ASXL2: variants seen among roughly 807,000 people sequenced by gnomAD.
ASXL2 encodes the protein ASXL transcriptional regulator 2.
ASXL2 carries 23 observed loss-of-function variants against 122.0 expected under a neutral mutation model. That is an observed-to-expected ratio of 0.19 (90% confidence interval 0.14 to 0.27). The LOEUF (loss-of-function observed/expected upper bound fraction) is 0.27, where lower values mean the gene tolerates loss of function less well. Among genes scored for constraint, ASXL2 ranks in the 10% least tolerant of loss-of-function variants. The pLI, the probability that ASXL2 is intolerant of heterozygous loss-of-function variation, is 1.00. For synonymous variants in ASXL2, 650 were observed against 637.0 expected (o/e 1.02, Z -0.31); for missense variants, 1,518 against 1,713.8 (o/e 0.89, Z 2.02).
At chr2:25,804,458 G>C (rs1163444750) in intron 4 of ASXL2, among the ~76,000 whole-genome samples, 4 of 152,346 alleles carry the variant, frequency 2.6e-5, no homozygotes, top group Admixed American at 2.6e-4. Flanking sequence ...TAAAGTCAGA[G>C]GCTCCTGCTT....
intron 1 of ASXL2, among the ~76,000 whole-genome samples, chr2:25,858,387 T>C (rs1386874533): frequency 6.6e-6 from 1 of 151,544 alleles, no homozygotes; most frequent in Non-Finnish European, 1.5e-5. Context: ...ATAGCAGCCA[T>C]GTCCTCCTCA....
In ASXL2 at chr2:25,878,034, C is replaced by T; in HGVS notation, c.57+132G>A. On this transcript the variant is annotated intron_variant, in intron 1 of 12. Coordinates refer to ENST00000435504, the MANE Select transcript of ASXL2 (RefSeq NM_018263.6). ...CAGGGATCGCAACCCCGACACTAACCGCCGCCCTCTCCGCGCGGTTTTGTG... is the reference window on the plus strand; with the variant it reads ...CAGGGATCGCAACCCCGACACTAACTGCCGCCCTCTCCGCGCGGTTTTGTG... The T allele has an allele frequency of 3.5e-6, 4 of 1,150,550 alleles. No homozygotes were observed. In the South Asian group the frequency reaches 3.7e-5, roughly 11 times the overall value. 71.3% of individuals were successfully genotyped at this position (1,150,550 alleles called of 1,614,324 possible). A position where few individuals can be genotyped will look rare whatever the true frequency, so the allele number is the denominator to read the frequency against.
rs1028204836 is a variant in ASXL2 at position 25,759,504 on chromosome 2, A to C, written c.917T>G (p.Leu306Arg). The C allele has an allele frequency of 6.2e-7, 1 of 1,613,984 alleles. No homozygotes were observed. The highest frequency in any genetic ancestry group is 8.5e-7 in the Non-Finnish European group (1 of 1,179,860). Residue 306 changes from leucine (L) to arginine (R), a missense_variant, in exon 9 of 13, where the codon CTA (leucine) becomes CGA (arginine). By Grantham distance (102) the Leu-to-Arg change is moderately radical. Transcript: ENST00000435504. Reference sequence around the variant, plus strand: ...CACCTGTCGATCTACCTCTGGGAGTAGTAAAAGCAGTCGTTGCTGGCAATC... The same window carrying C: ...CACCTGTCGATCTACCTCTGGGAGTCGTAAAAGCAGTCGTTGCTGGCAATC... The part of the protein sequence containing the change: ...PGDCQQRLLL[L>R]LPEVDRQVGP...
chr2:25,853,600 G>A (rs372565641), intron 1 of ASXL2, among the ~76,000 whole-genome samples: 3 of 152,208 alleles, frequency 2.0e-5, no homozygotes, highest in Admixed American at 6.5e-5. Context: ...TAGCAGCACC[G>A]TATACATCCC....
chr2:25,878,002 A>G (rs1352907299), intron 1 of ASXL2, among the ~76,000 whole-genome samples, 164 bp downstream of exon 1: 1 of 152,086 alleles, frequency 6.6e-6, no homozygotes, highest in Non-Finnish European at 1.5e-5. Context: ...GGGCGCCTCC[A>G]TTCCCACAGG....
intron 3 of ASXL2, among the ~76,000 whole-genome samples, chr2:25,823,501 A>G (rs2089336839): frequency 6.6e-6 from 1 of 152,174 alleles, no homozygotes; most frequent in South Asian, 2.1e-4. Flanking sequence ...CAGTATTCAC[A>G]TGTATCTTAG....
chr2:25,768,783 T>A lies in ASXL2; in HGVS notation c.590A>T (p.Lys197Met). The change falls in exon 7 of 13, where the codon AAG (lysine) becomes ATG (methionine). Residue 197 changes from lysine (K) to methionine (M), a missense_variant. Coordinates refer to ENST00000435504, the MANE Select transcript of ASXL2 (RefSeq NM_018263.6). ...AGAGTCACTGGCTGCTTTGACAGTC[T>A]TTAGTGAGAGATGCTGGTTGGAGGA... ...SISSNQHLSL[K>M]TVKAASDSVP... The A allele has an allele frequency of 6.2e-7, 1 of 1,613,880 alleles. No homozygotes were observed. Among genetic ancestry groups the A allele is most frequent in the Non-Finnish European group, 8.5e-7 (1 of 1,179,816 alleles).
intron 3 of ASXL2, among the ~76,000 whole-genome samples, chr2:25,831,511 A>G (rs1282640773): frequency 1.3e-5 from 2 of 151,630 alleles, no homozygotes; most frequent in Non-Finnish European, 2.9e-5. Flanking sequence ...AAAATTAGAT[A>G]GGCATGGTGG....
chr2:25,765,989 T>C (rs967260169), intron 8 of ASXL2, among the ~76,000 whole-genome samples: 2 of 152,146 alleles, frequency 1.3e-5, no homozygotes, highest in Non-Finnish European at 2.9e-5. Context: ...TAAGGTTTTT[T>C]TATTTTTTAT....
At chr2:25,810,253 C>G (rs1321872408) in intron 3 of ASXL2, 16 of 623,848 alleles carry the variant, frequency 2.6e-5, no homozygotes, top group Non-Finnish European at 4.9e-5. Flanking sequence ...AGTTCCAAGT[C>G]TCTTTCAATG....
chr2:25,811,263 T>A (rs964746656), intron 3 of ASXL2, among the ~76,000 whole-genome samples: 8 of 150,828 alleles, frequency 5.3e-5, no homozygotes, highest in African/African-American at 1.5e-4. Context: ...AAAAAATAAA[T>A]AAATAAATAA....
chr2:25,864,241 G>A (rs1031387715), intron 1 of ASXL2, among the ~76,000 whole-genome samples: 3 of 152,196 alleles, frequency 2.0e-5, no homozygotes, highest in Non-Finnish European at 2.9e-5. Flanking sequence ...AATGCCAGGC[G>A]ATACGCCTTC....
chr2:25,826,813 C>T (rs1037785428), intron 3 of ASXL2, among the ~76,000 whole-genome samples: 17 of 130,438 alleles, frequency 1.3e-4, no homozygotes, highest in African/African-American at 4.7e-4. Context: ...TGCTTAAATG[C>T]CCTCACTTCA....
chr2:25,806,393 A>T (rs2089082944), intron 3 of ASXL2, 56 bp from the exon 4 acceptor site: 1 of 1,197,412 alleles, frequency 8.4e-7, no homozygotes, highest in African/African-American at 1.5e-5. Context: ...TCTGTCTCTG[A>T]ATATCCTATG....
rs753934368 is a variant in ASXL2, at chr2:25,842,792, G to GTA, written c.140+2687_140+2688dup. ...CACGTGTGTGTGTGTGTGTGTGTGTGTATATATATATATATATATGTTTTT... is the reference window on the plus strand; with the variant it reads ...CACGTGTGTGTGTGTGTGTGTGTGTGTATATATATATATATATATATGTTTTT... On this transcript the variant is annotated intron_variant, in intron 2 of 12. Transcript: ENST00000435504. Among the ~76,000 whole-genome samples the GTA allele has an allele frequency of 6.4e-4, 61 of 95,404 alleles. 1 individual carries two copies. Among genetic ancestry groups the GTA allele is most frequent in the Non-Finnish European group, 4.0e-4 (19 of 47,070 alleles). 62.6% of individuals were successfully genotyped at this position (95,404 alleles called of 152,430 possible).
intron 1 of ASXL2, among the ~76,000 whole-genome samples, chr2:25,849,045 CA>C (rs1337241291): frequency 0.15 from 5,377 of 36,008 alleles, 416 homozygotes; most frequent in African/African-American, 0.31. Flanking sequence ...AACTCCGTCT[CA>C]AAAAAAAAAA....
In ASXL2 at chr2:25,743,329, G is replaced by A; in HGVS notation, c.3008C>T (p.Thr1003Ile). The part of the protein sequence containing the change: ...LIATNTTENS[T>I]REEVNERQSH... ...CTGTCTCTCATTAACTTCCTCTCTG[G>A]TGCTATTTTCTGTTGTGTTGGTAGC... The change falls in exon 13 of 13, where the codon ACC becomes ATC. Residue 1003 changes from threonine to isoleucine, a missense_variant. By Grantham distance (89) the Thr-to-Ile change is moderately conservative (BLOSUM62 -1). Transcript: ENST00000435504. 1 of 1,613,834 alleles carries A rather than the reference G, an allele frequency of 6.2e-7. No homozygotes were observed. Among genetic ancestry groups the A allele is most frequent in the Non-Finnish European group, 8.5e-7 (1 of 1,179,854 alleles).
At chr2:25,751,517 C>A (rs2088044795) in intron 11 of ASXL2, among the ~76,000 whole-genome samples, 1 of 151,846 alleles carries the variant, frequency 6.6e-6, no homozygotes, top group African/African-American at 2.4e-5. Flanking sequence ...ACCTGGAGTC[C>A]CAGCTACTCA....
intron 12 of ASXL2, 69 bp downstream of exon 12, chr2:25,749,627 T>G: frequency 8.0e-7 from 1 of 1,254,456 alleles, no homozygotes; most frequent in Non-Finnish European, 1.1e-6. Context: ...TACTTGAAAT[T>G]TAGTAGGTAT....
Sources: gnomAD v4.1 joint callset for allele counts (sites outside exome capture counted in the v4.1 genomes callset) on GRCh38, gnomAD v4.1.1 for gene constraint, MANE v1.5 for transcripts, NCBI Gene and HGNC (gene_info 2026-07-23, HGNC 2026-07-21) for gene names.